HSD17B12: variants seen among roughly 807,000 people sequenced by gnomAD.
HSD17B12 encodes very-long-chain 3-oxoacyl-CoA reductase.
HSD17B12 carries 32 observed loss-of-function variants against 39.3 expected under a neutral mutation model. That is an observed-to-expected ratio of 0.81 (90% CI 0.61 to 1.09). The LOEUF is 1.09. Among genes scored for constraint, HSD17B12 ranks in the 50% least tolerant of loss-of-function variants. The pLI, the probability that HSD17B12 is intolerant of heterozygous loss-of-function variation, is 0.00. For synonymous variants in HSD17B12, 150 were observed against 146.7 expected (o/e 1.02, Z -0.16); for missense variants, 342 against 382.9 (o/e 0.89, Z 0.89).
the HSD17B12 span, among the ~76,000 whole-genome samples, chr11:43,647,556 G>A: frequency 2.0e-5 from 3 of 151,374 alleles, no homozygotes; most frequent in Non-Finnish European, 2.9e-5. Flanking sequence ...ACAGGCATGA[G>A]CCACCACACA....
chr11:43,621,227 T>G, the HSD17B12 span, among the ~76,000 whole-genome samples: 2 of 152,138 alleles, frequency 1.3e-5, no homozygotes, highest in Non-Finnish European at 2.9e-5. Context: ...TGGAATTGAT[T>G]GAATTGACTG....
chr11:43,806,351 C>T (rs546499685), intron 4 of HSD17B12: 48 of 152,156 alleles, frequency 3.2e-4, no homozygotes, highest in Admixed American at 6.6e-4. Context: ...ATATCAAAAA[C>T]GAAGAAACTC....
chr11:43,579,467 T>A, the HSD17B12 span: 1 of 152,210 alleles, frequency 6.6e-6, no homozygotes, highest in Non-Finnish European at 1.5e-5. Context: ...TGCTTCCAGC[T>A]GGCTGCAGTG....
At chr11:43,846,663 T>G (rs1951477732) in intron 9 of HSD17B12, among the ~76,000 whole-genome samples, 1 of 152,080 alleles carries the variant, frequency 6.6e-6, no homozygotes, top group Admixed American at 6.5e-5. Flanking sequence ...AGACTTTGTC[T>G]CAAAAAAATA....
the HSD17B12 span, among the ~76,000 whole-genome samples, chr11:43,663,683 C>CTGGA: frequency 3.3e-5 from 5 of 152,088 alleles, no homozygotes; most frequent in Non-Finnish European, 5.9e-5. Flanking sequence ...ACCAACTGAA[C>CTGGA]TGGAGTTCCT....
intron 1 of HSD17B12, among the ~76,000 whole-genome samples, chr11:43,711,947 C>T (rs1462646973): frequency 6.6e-6 from 1 of 152,136 alleles, no homozygotes; most frequent in African/African-American, 2.4e-5. Context: ...TCTGAATGGA[C>T]TCCCTCATCA....
At chr11:43,578,076 G>A in the HSD17B12 span, among the ~76,000 whole-genome samples, 1 of 152,324 alleles carries the variant, frequency 6.6e-6, no homozygotes, top group Non-Finnish European at 1.5e-5. Flanking sequence ...TTAACTCCAG[G>A]AGAGGGAGAA....
the HSD17B12 span, among the ~76,000 whole-genome samples, chr11:43,568,530 A>C: frequency 1.8e-4 from 28 of 152,368 alleles, no homozygotes; most frequent in Non-Finnish European, 2.4e-4. Flanking sequence ...ACAGTGACTA[A>C]GAAGAGTTTC....
At chr11:43,779,003 G>T (rs990209706) in intron 3 of HSD17B12, among the ~76,000 whole-genome samples, 11 of 152,134 alleles carry the variant, frequency 7.2e-5, no homozygotes, top group African/African-American at 2.4e-4. Context: ...ATTGTAGAAA[G>T]TTTATTTTCT....
intron 1 of HSD17B12, among the ~76,000 whole-genome samples, chr11:43,726,672 A>G (rs1028949803): frequency 1.3e-5 from 2 of 152,228 alleles, no homozygotes; most frequent in East Asian, 1.9e-4. Context: ...TCCAATTTCA[A>G]CATGAGCTTT....
intron 1 of HSD17B12, among the ~76,000 whole-genome samples, chr11:43,748,100 A>G (rs528591661): frequency 3.3e-5 from 5 of 152,212 alleles, no homozygotes; most frequent in Non-Finnish European, 7.3e-5. Flanking sequence ...ACAAGAATAC[A>G]GTATAAAATT....
the HSD17B12 span, among the ~76,000 whole-genome samples, chr11:43,657,821 G>A: frequency 1.3e-5 from 2 of 152,122 alleles, no homozygotes; most frequent in Non-Finnish European, 2.9e-5. Context: ...CTTTCTCTCT[G>A]GCTACCCTTA....
At chr11:43,697,567 G>A (rs1276877539) in intron 1 of HSD17B12, among the ~76,000 whole-genome samples, 3 of 152,202 alleles carry the variant, frequency 2.0e-5, no homozygotes. Context: ...CACATAGTAA[G>A]TGGAGGAGCA....
chr11:43,822,328 G>C (rs1951190998), intron 6 of HSD17B12, among the ~76,000 whole-genome samples: 6 of 152,072 alleles, frequency 3.9e-5, no homozygotes, highest in Admixed American at 3.9e-4. Flanking sequence ...AAGTCAACTT[G>C]AGATTTAATA....
intron 1 of HSD17B12, among the ~76,000 whole-genome samples, chr11:43,712,300 G>A (rs993174812): frequency 6.6e-6 from 1 of 152,082 alleles, no homozygotes. Flanking sequence ...GGTGGCATGT[G>A]CCTGTAGTCC....
At chr11:43,748,009 C>T (rs116324876) in intron 1 of HSD17B12, among the ~76,000 whole-genome samples, 1 of 152,130 alleles carries the variant, frequency 6.6e-6, no homozygotes, top group African/African-American at 2.4e-5. Flanking sequence ...AAAAGTTTAT[C>T]ACAGAGAAAA....
intron 3 of HSD17B12, chr11:43,754,931 C>T (rs7115919): frequency 0.68 from 510,967 of 753,830 alleles, 175,184 homozygotes; most frequent in East Asian, 0.78. Context: ...AACTTCTACT[C>T]AATCAACCAG....
At chr11:43,663,595 G>A in the HSD17B12 span, among the ~76,000 whole-genome samples, 1 of 152,140 alleles carries the variant, frequency 6.6e-6, no homozygotes, top group Non-Finnish European at 1.5e-5. Flanking sequence ...TTTGTTAGTG[G>A]TAGCCTTCAA....
Position 43,855,394 on chromosome 11 carries a change from G to A in HSD17B12, c.*146G>A. The A allele has an allele frequency of 2.1e-6, 1 of 477,534 alleles. No individual in the cohort carries two copies. Among genetic ancestry groups the A allele is most frequent in the African/African-American group, 2.0e-5 (1 of 49,832 alleles). 29.6% of individuals were successfully genotyped at this position (477,534 alleles called of 1,614,324 possible). ...TATTATCTTAATTAAGAGGAAAATA[G>A]AAGTTGCTTTTAGGGGTTTCTGACA... On this transcript the variant is annotated 3_prime_UTR_variant, in exon 11 of 11. Coordinates refer to ENST00000278353, the MANE Select transcript of HSD17B12 (RefSeq NM_016142.3).
Sources: gnomAD v4.1 joint callset for allele counts (sites outside exome capture counted in the v4.1 genomes callset) on GRCh38, gnomAD v4.1.1 for gene constraint, MANE v1.5 for transcripts, NCBI Gene and HGNC (gene_info 2026-07-23, HGNC 2026-07-21) for gene names.